IPO7: variants seen among roughly 807,000 people sequenced by gnomAD.
IPO7 encodes the protein importin 7.
A neutral mutation model predicts 136.4 loss-of-function variants in IPO7; 13 were observed. That is an observed-to-expected ratio of 0.10 (90% CI 0.06 to 0.15). The LOEUF (loss-of-function observed/expected upper bound fraction) is 0.15, where lower values mean the gene tolerates loss of function less well. IPO7 is among the 10% of genes least tolerant of loss of function. The pLI is 1.00. For synonymous variants in IPO7, 403 were observed against 404.4 expected, an observed-to-expected ratio of 1.00 and a Z score of 0.04; for missense variants, 857 against 1,240.6, an observed-to-expected ratio of 0.69 and a Z score of 4.65.
At chr11:9,427,270 C>CG (rs1164871460) in intron 12 of IPO7, among the ~76,000 whole-genome samples, 1 of 152,048 alleles carries the variant, frequency 6.6e-6, no homozygotes. Flanking sequence ...TTTATCTTTT[C>CG]GTTTTTTGGA....
intron 6 of IPO7, among the ~76,000 whole-genome samples, chr11:9,418,405 A>G (rs894335530): frequency 2.6e-5 from 4 of 152,146 alleles, no homozygotes; most frequent in East Asian, 1.9e-4. Flanking sequence ...TTATTAATAT[A>G]TACTTATTTA....
At chr11:9,436,481 T>C in intron 20 of IPO7, 115 bp downstream of exon 20, 1 of 602,456 alleles carries the variant, frequency 1.7e-6, no homozygotes, top group Non-Finnish European at 2.9e-6. Context: ...TATTGAGACA[T>C]CTAGACAACT....
chr11:9,445,198 A>G lies in IPO7; in HGVS notation c.*4A>G. 6.5e-7 allele frequency: 1 copy of G among 1,545,946 alleles called. No individual in the cohort carries two copies. The highest frequency in any genetic ancestry group is 8.9e-7 in the Non-Finnish European group (1 of 1,117,918). Reference sequence around the variant, plus strand: ...CCCAGCACCAGGGATGAATTGAGTTATCTCTTTCTTTCCTGCTGTGTGCTT... The same window carrying G: ...CCCAGCACCAGGGATGAATTGAGTTGTCTCTTTCTTTCCTGCTGTGTGCTT... On this transcript the variant is annotated 3_prime_UTR_variant, in exon 25 of 25. Transcript: ENST00000379719.
chr11:9,384,739 C>T lies in IPO7; in HGVS notation c.-25C>T, dbSNP rs1332118587. The T allele has an allele frequency of 5.1e-6, 8 of 1,569,676 alleles. No homozygotes were observed. The highest frequency in any genetic ancestry group is 3.5e-5 in the South Asian group (3 of 85,952). The stretch of plus-strand genomic sequence containing the variant: ...TCCTGGCCCAGTAGCACCCGAGCCC[C>T]GGGTTTGACCGAGTCCGCGCTGCGA... On this transcript the variant is annotated 5_prime_UTR_variant, in exon 1 of 25. Transcript: ENST00000379719.
chr11:9,404,125 T>A (rs1854840420), intron 2 of IPO7, among the ~76,000 whole-genome samples: 1 of 152,210 alleles, frequency 6.6e-6, no homozygotes, highest in East Asian at 1.9e-4. Flanking sequence ...AGATTACATT[T>A]TTGTGTTATT....
At chr11:9,397,332 T>TAAAAAAAAAAA (rs757736784) in intron 1 of IPO7, among the ~76,000 whole-genome samples, 164 of 12,090 alleles carry the variant, frequency 0.014, 57 homozygotes, top group Middle Eastern at 0.12. Context: ...TAAAAATAAT[T>TAAAAAAAAAAA]TAAAAAAAAA....
In IPO7 at chr11:9,433,648, C is replaced by A. The variant is rs1565002940; in HGVS notation, c.1948+12C>A. The A allele has an allele frequency of 6.2e-7, 1 of 1,612,488 alleles. No homozygotes were observed. On this transcript the variant is annotated intron_variant, in intron 17 of 24. Coordinates refer to ENST00000379719, the MANE Select transcript of IPO7 (RefSeq NM_006391.3). Reference sequence around the variant, plus strand: ...ACAGCATGTCTTAGGTATTATACCTCTGATTGTGCTAAGAATTTAGTGCTA... The same window carrying A: ...ACAGCATGTCTTAGGTATTATACCTATGATTGTGCTAAGAATTTAGTGCTA...
At chr11:9,403,977 T>G (rs1029057518) in intron 2 of IPO7, among the ~76,000 whole-genome samples, 3 of 152,322 alleles carry the variant, frequency 2.0e-5, no homozygotes, top group Admixed American at 6.5e-5. Context: ...TTCTTCTGCC[T>G]TAGCCTCCTG....
At chr11:9,391,367 C>T in intron 1 of IPO7, among the ~76,000 whole-genome samples, 1 of 151,360 alleles carries the variant, frequency 6.6e-6, no homozygotes, top group South Asian at 2.1e-4. Flanking sequence ...CATTGCATTC[C>T]AGCCCGGGCA....
rs576866204 is a variant in IPO7, at chr11:9,434,804, C to T, written c.2075-130C>T. On this transcript the variant is annotated intron_variant, in intron 18 of 24. Transcript: ENST00000379719. ...AACAGAGTGAGAGTGTCCCCCCTCC[C>T]CCCAAAAAAAGGTGAATGTTAGAGA... The T allele has an allele frequency of 9.2e-5, 63 of 685,864 alleles. No individual in the cohort carries two copies. In the South Asian group the frequency reaches 9.6e-4, roughly 10 times the overall value. The allele number at this position is 685,864 out of a possible 1,614,324, so 42.5% of individuals were successfully genotyped here.
chr11:9,418,688 AC>A lies in IPO7; in HGVS notation c.726+1542del, dbSNP rs1158405296. 5.3e-5 allele frequency among the ~76,000 whole-genome samples: 8 copies of A among 152,302 alleles called. No homozygotes were observed. The East Asian group carries it at 1.5e-3, about 29-fold the overall frequency. ...TAAAGTTCTCATATACATATTGTGC[AC>A]CTTTTTGTTGTACAATTTATAATCC... is the stretch of plus-strand genomic sequence containing the variant. On this transcript the variant is annotated intron_variant, in intron 6 of 24. Coordinates refer to ENST00000379719, the MANE Select transcript of IPO7 (RefSeq NM_006391.3).
intron 12 of IPO7, among the ~76,000 whole-genome samples, chr11:9,428,079 C>T (rs1204794412): frequency 6.6e-6 from 1 of 151,568 alleles, no homozygotes; most frequent in Non-Finnish European, 1.5e-5. Flanking sequence ...GAAATTGTGC[C>T]ACTGCACTCC....
Position 9,423,821 on chromosome 11 carries a change from T to G in IPO7, c.1086T>G (p.Asp362Glu). The G allele has an allele frequency of 1.2e-6, 2 of 1,610,622 alleles. No individual in the cohort carries two copies. Among genetic ancestry groups the G allele is most frequent in the Non-Finnish European group, 1.7e-6 (2 of 1,177,614 alleles). ...TTTTTCCATTGATGTGCTATACAGA[T>G]GCTGATGAGGAACTTTGGCAAGAAG... ...DVIFPLMCYT[D>E]ADEELWQEDP... The change falls in exon 10 of 25, where the codon GAT becomes GAG. Residue 362 changes from aspartate to glutamate, a missense_variant. Physicochemically the swap from Asp to Glu is conservative, Grantham distance 45 (BLOSUM62 2). Around this residue, in one of 11 missense-constraint regions of IPO7, gnomAD observed 127 missense variants for 222.4 expected, o/e 0.57. Transcript: ENST00000379719.
At chr11:9,439,002 G>C (rs981129873) in intron 22 of IPO7, among the ~76,000 whole-genome samples, 1 of 152,022 alleles carries the variant, frequency 6.6e-6, no homozygotes, top group Non-Finnish European at 1.5e-5. Flanking sequence ...TTTTTTATAT[G>C]GTGGCATGAG....
In IPO7 at chr11:9,421,062, G is replaced by A. The variant is rs1003932348; in HGVS notation, c.906+364G>A. Among the ~76,000 whole-genome samples, 10 of 151,922 alleles carry A rather than the reference G, an allele frequency of 6.6e-5. 1 individual carries two copies. Among genetic ancestry groups the A allele is most frequent in the African/African-American group, 1.9e-4 (8 of 41,372 alleles). On this transcript the variant is annotated intron_variant, in intron 8 of 24. Coordinates refer to ENST00000379719, the MANE Select transcript of IPO7 (RefSeq NM_006391.3). ...CAACTTCTGCCTCCCAGGTTCAAGC[G>A]ATTCTCCTGCCTCATCAGCCTCCCG...
At position 9,410,057 on chromosome 11, in the gene IPO7, T is replaced by C; in HGVS notation, c.450T>C (p.Leu150=). The part of the protein sequence containing the change: ...DNSACWLGIL[L]CLYQLVKNYE... ...GTGCTTGTTGGCTAGGAATTCTTCTTTGCCTTTATCAGCTTGTGAAAAATT... is the reference window on the plus strand; with the variant it reads ...GTGCTTGTTGGCTAGGAATTCTTCTCTGCCTTTATCAGCTTGTGAAAAATT... Residue 150 remains leucine, a synonymous_variant, in exon 4 of 25, where the codon CTT becomes CTC. Transcript: ENST00000379719. 6.2e-7 allele frequency: 1 copy of C among 1,601,586 alleles called. No homozygotes were observed. The highest frequency in any genetic ancestry group is 8.5e-7 in the Non-Finnish European group (1 of 1,175,628).
chr11:9,441,554 C>G (rs1855459982), intron 23 of IPO7, among the ~76,000 whole-genome samples: 1 of 152,122 alleles, frequency 6.6e-6, no homozygotes, highest in Admixed American at 6.6e-5. Flanking sequence ...AGTTTTGATG[C>G]AAGGTTACAG....
intron 6 of IPO7, among the ~76,000 whole-genome samples, chr11:9,417,876 C>T (rs889371718): frequency 6.6e-6 from 1 of 151,338 alleles, no homozygotes; most frequent in African/African-American, 2.4e-5. Context: ...CCAAGCCCGT[C>T]TAATTTTTGT....
At chr11:9,443,868 C>G (rs1422545264) in intron 24 of IPO7, among the ~76,000 whole-genome samples, 3 of 152,084 alleles carry the variant, frequency 2.0e-5, no homozygotes, top group African/African-American at 4.8e-5. Flanking sequence ...CCACTGTACT[C>G]TAGCCTGGGT....
Sources: gnomAD v4.1 joint callset for allele counts (sites outside exome capture counted in the v4.1 genomes callset) on GRCh38, gnomAD v4.1.1 for gene constraint, gnomAD v4.1.1 regional missense constraint, MANE v1.5 for transcripts, NCBI Gene and HGNC (gene_info 2026-07-23, HGNC 2026-07-21) for gene names.